The following ANKRD6 variants were observed in gnomAD, a reference collection of about 807,000 sequenced individuals.
ANKRD6 encodes the protein ankyrin repeat domain-containing protein 6.
In ANKRD6, 56 loss-of-function variants were observed where a neutral mutation model predicts 82.3. That is an observed-to-expected ratio of 0.68 (90% CI 0.55 to 0.85). ANKRD6 has a LOEUF of 0.85. Ranked by LOEUF, ANKRD6 falls within the 40% of genes least tolerant of loss-of-function variation. ANKRD6 has a pLI of 0.00. For missense variants in ANKRD6, 852 were observed against 907.6 expected (o/e 0.94, Z 0.79); for synonymous variants, 347 against 352.1 (o/e 0.99, Z 0.16).
At chr6:89,622,305 A>C (rs544611022) in intron 10 of ANKRD6, among the ~76,000 whole-genome samples, 2 of 152,192 alleles carry the variant, frequency 1.3e-5, no homozygotes, top group Admixed American at 1.3e-4. Flanking sequence ...GCCTTTGCCC[A>C]TGTCCTGCGG....
intron 1 of ANKRD6, among the ~76,000 whole-genome samples, chr6:89,563,733 A>T (rs1438582415): frequency 1.3e-5 from 2 of 151,518 alleles, no homozygotes; most frequent in African/African-American, 4.9e-5. Context: ...CCCCTGCAAC[A>T]CACACATCTC....
chr6:89,517,062 G>A (rs1464197940), intron 1 of ANKRD6, among the ~76,000 whole-genome samples: 1 of 152,102 alleles, frequency 6.6e-6, no homozygotes, highest in Non-Finnish European at 1.5e-5. Context: ...TATAGATGGG[G>A]TCTCACTATG....
chr6:89,622,198 C>G (rs920747820), intron 10 of ANKRD6, among the ~76,000 whole-genome samples, 172 bp downstream of exon 10: 7 of 152,226 alleles, frequency 4.6e-5, no homozygotes, highest in African/African-American at 1.7e-4. Context: ...TTCACATCCT[C>G]CATTCCCCAA....
intron 1 of ANKRD6, among the ~76,000 whole-genome samples, chr6:89,510,552 C>A (rs1304135069): frequency 1.3e-5 from 2 of 152,012 alleles, no homozygotes; most frequent in Non-Finnish European, 2.9e-5. Context: ...AGTTCACATA[C>A]CATAAAATTT....
rs572311567 is a variant in ANKRD6, at chr6:89,528,769, G to A, written c.-143-38065G>A. Among the ~76,000 whole-genome samples the A allele has an allele frequency of 2.2e-3, 337 of 152,324 alleles. 4 individuals are homozygous for A. Among genetic ancestry groups the A allele is most frequent in the Non-Finnish European group, 1.9e-3 (132 of 68,038 alleles). On this transcript the variant is annotated intron_variant, in intron 1 of 15. Coordinates refer to ENST00000339746, the MANE Select transcript of ANKRD6 (RefSeq NM_001242809.2). ...TTAAATCCTTGATCCATGGGCTGAA[G>A]GATGGATGTTTTGTTTAGTAGGCAT...
chr6:89,547,303 A>C (rs1462939078), intron 1 of ANKRD6, among the ~76,000 whole-genome samples: 1 of 152,222 alleles, frequency 6.6e-6, no homozygotes, highest in Non-Finnish European at 1.5e-5. Flanking sequence ...CACTGTTGGC[A>C]GCCCTTTCTG....
chr6:89,572,468 T>G (rs1377131137), intron 2 of ANKRD6, among the ~76,000 whole-genome samples: 1 of 152,246 alleles, frequency 6.6e-6, no homozygotes, highest in Admixed American at 6.5e-5. Flanking sequence ...GGTATCTCGT[T>G]GTTTGTAGCT....
chr6:89,592,347 T>TA (rs1209007859), intron 2 of ANKRD6, among the ~76,000 whole-genome samples: 2 of 152,206 alleles, frequency 1.3e-5, no homozygotes, highest in Non-Finnish European at 2.9e-5. Flanking sequence ...TGATGGACGT[T>TA]ACCTCGTGTC....
rs138885742 is a variant in ANKRD6, at chr6:89,556,640, A to G, written c.-143-10194A>G. Among the ~76,000 whole-genome samples, 5 of 152,350 alleles carry G rather than the reference A, an allele frequency of 3.3e-5. No homozygotes were observed. The East Asian group carries it at 9.6e-4, about 29-fold the overall frequency. The stretch of plus-strand genomic sequence containing the variant: ...CAGTTAGAGACCGTTGCAATAACCC[A>G]GGTAAGAAATGATGACAACTTAAGG... On this transcript the variant is annotated intron_variant, in intron 1 of 15. Transcript: ENST00000339746.
chr6:89,607,616 G>T (rs6454767), intron 5 of ANKRD6, among the ~76,000 whole-genome samples: 1 of 151,110 alleles, frequency 6.6e-6, no homozygotes, highest in Non-Finnish European at 1.5e-5. Flanking sequence ...AAATTTTCCA[G>T]AATGAACCCA....
chr6:89,620,635 ACCC>A (rs1802869886), intron 9 of ANKRD6, among the ~76,000 whole-genome samples: 1 of 151,882 alleles, frequency 6.6e-6, no homozygotes, highest in South Asian at 2.1e-4. Context: ...TCTGTTAAAC[ACCC>A]CCTGCCAATT....
chr6:89,457,767 T>C (rs1773664884), intron 1 of ANKRD6, among the ~76,000 whole-genome samples: 1 of 152,190 alleles, frequency 6.6e-6, no homozygotes, highest in Admixed American at 6.5e-5. Flanking sequence ...CCTAATAAGT[T>C]GATTGAGTTA....
chr6:89,545,599 C>T lies in ANKRD6; in HGVS notation c.-143-21235C>T, dbSNP rs567164724. On this transcript the variant is annotated intron_variant, in intron 1 of 15. Transcript: ENST00000339746. ...ATTTAAACCCAGAATTCCTGTGTGA[C>T]GGGTACAGTCACAGGAATCTCAGGA... is the stretch of plus-strand genomic sequence containing the variant. Among the ~76,000 whole-genome samples, 387 of 152,234 alleles carry T rather than the reference C, an allele frequency of 2.5e-3. 2 individuals are homozygous for T. The highest frequency in any genetic ancestry group is 4.2e-3 in the Non-Finnish European group (283 of 68,016).
In ANKRD6 at chr6:89,603,156, C is replaced by T. The variant is rs755753061; in HGVS notation, c.318+29C>T. The stretch of plus-strand genomic sequence containing the variant: ...AGTGGACACTGAGCTTCCTTACTCC[C>T]CAAGGCAAGGGAAGCCAGTGGCTCA... On this transcript the variant is annotated intron_variant, in intron 4 of 15. Transcript: ENST00000339746. 2.7e-5 allele frequency: 43 copies of T among 1,571,388 alleles called. No individual in the cohort carries two copies. The South Asian group carries it at 5.0e-4, about 18-fold the overall frequency.
At chr6:89,606,300 G>A (rs888177491) in intron 5 of ANKRD6, among the ~76,000 whole-genome samples, 195 bp downstream of exon 5, 1 of 152,180 alleles carries the variant, frequency 6.6e-6, no homozygotes, top group African/African-American at 2.4e-5. Context: ...TCAGGAGCAA[G>A]TGCACCAACA....
chr6:89,553,121 G>A (rs1583241915), intron 1 of ANKRD6, among the ~76,000 whole-genome samples: 1 of 152,194 alleles, frequency 6.6e-6, no homozygotes, highest in Admixed American at 6.5e-5. Flanking sequence ...GGGATGAGAG[G>A]GAAGAGCAGT....
chr6:89,616,880 G>A (rs1195599115), intron 8 of ANKRD6: 1 of 662,160 alleles, frequency 1.5e-6, no homozygotes. Context: ...TTAGCTGCCT[G>A]ACTGCAGTGA....
At chr6:89,493,351 C>T (rs778461767) in intron 1 of ANKRD6, among the ~76,000 whole-genome samples, 4 of 152,008 alleles carry the variant, frequency 2.6e-5, no homozygotes, top group Non-Finnish European at 5.9e-5. Context: ...TCTTTACTTC[C>T]TTTTGTCTTC....
chr6:89,559,308 G>A (rs1177702338), intron 1 of ANKRD6, among the ~76,000 whole-genome samples: 1 of 152,108 alleles, frequency 6.6e-6, no homozygotes, highest in Non-Finnish European at 1.5e-5. Context: ...TCCTCTGCCT[G>A]TGTCTTCTCC....
Sources: gnomAD v4.1 joint callset for allele counts (sites outside exome capture counted in the v4.1 genomes callset) on GRCh38, gnomAD v4.1.1 for gene constraint, MANE v1.5 for transcripts, NCBI Gene and HGNC (gene_info 2026-07-23, HGNC 2026-07-21) for gene names.